The following PALLD variants were observed in gnomAD, a reference collection of about 807,000 sequenced individuals.
PALLD encodes the protein palladin.
PALLD carries 61 observed loss-of-function variants against 123.5 expected under a neutral mutation model. The observed-to-expected ratio is 0.49, with a 90% CI of 0.40 to 0.61. The LOEUF is 0.61. PALLD is among the 20% of genes least tolerant of loss of function. PALLD has a pLI of 0.00. For synonymous variants in PALLD, 465 were observed against 496.4 expected, an observed-to-expected ratio of 0.94 and a Z score of 0.84; for missense variants, 1,273 against 1,377.0, an observed-to-expected ratio of 0.92 and a Z score of 1.20.
intron 10 of PALLD, chr4:168,829,118 A>G (rs980407290): frequency 1.3e-5 from 2 of 152,262 alleles, no homozygotes; most frequent in African/African-American, 4.8e-5. Flanking sequence ...GTGATGGCCA[A>G]GATGTATCCA....
At chr4:168,712,425 G>T (rs1359054332) in intron 10 of PALLD, among the ~76,000 whole-genome samples, 1 of 152,188 alleles carries the variant, frequency 6.6e-6, no homozygotes, top group Admixed American at 6.5e-5. Flanking sequence ...AAGCAGGCTT[G>T]TGGGCAAGAA....
chr4:168,722,218 T>A (rs1360190512), intron 10 of PALLD, among the ~76,000 whole-genome samples: 2 of 152,138 alleles, frequency 1.3e-5, no homozygotes, highest in African/African-American at 2.4e-5. Context: ...CTATTTTTTT[T>A]ATTTTTTGTA....
chr4:168,668,442 A>G, intron 3 of PALLD, 74 bp downstream of exon 3: 1 of 1,249,382 alleles, frequency 8.0e-7, no homozygotes, highest in Non-Finnish European at 1.1e-6. Flanking sequence ...TTGGGCATGC[A>G]AATGTGCCTT....
At chr4:168,522,664 T>C (rs150329256) in intron 2 of PALLD, among the ~76,000 whole-genome samples, 1 of 152,358 alleles carries the variant, frequency 6.6e-6, no homozygotes, top group East Asian at 1.9e-4. Context: ...AATGTAACTG[T>C]AGCAAATACA....
chr4:168,641,373 T>G (rs1342737432), intron 2 of PALLD, among the ~76,000 whole-genome samples: 1 of 152,124 alleles, frequency 6.6e-6, no homozygotes, highest in Non-Finnish European at 1.5e-5. Context: ...AACTATGCTG[T>G]CTAGGCCAGA....
rs750033888 is a variant in PALLD at position 168,921,658 on chromosome 4, C to T, written c.2975C>T (p.Thr992Met). ...GVHSLIIEPV[T>M]SRDAGIYTCI... Reference sequence around the variant, plus strand: ...CACTCTCTGATCATAGAGCCAGTCACGTCACGTGATGCCGGCATCTACACA... The same window carrying T: ...CACTCTCTGATCATAGAGCCAGTCATGTCACGTGATGCCGGCATCTACACA... Residue 992 changes from threonine (T) to methionine (M), a missense_variant, in exon 18 of 22, where the codon ACG becomes ATG. Thr to Met is a moderately conservative substitution (Grantham distance 81, BLOSUM62 -1). This residue lies in a region of PALLD where 329 missense variants were observed against 422.5 expected (regional missense o/e 0.78). Transcript: ENST00000505667. 4.8e-5 allele frequency: 78 copies of T among 1,610,248 alleles called. 1 individual carries two copies. Among genetic ancestry groups the T allele is most frequent in the East Asian group, 4.5e-5 (2 of 44,734 alleles).
intron 2 of PALLD, among the ~76,000 whole-genome samples, chr4:168,535,311 G>A (rs924976408): frequency 6.6e-6 from 1 of 152,138 alleles, no homozygotes; most frequent in Non-Finnish European, 1.5e-5. Flanking sequence ...GAATTAAGTG[G>A]CTTAAATGGG....
chr4:168,603,872 A>C (rs1772916003), intron 2 of PALLD, among the ~76,000 whole-genome samples: 1 of 152,216 alleles, frequency 6.6e-6, no homozygotes, highest in African/African-American at 2.4e-5. Flanking sequence ...AAAATTGCAG[A>C]CATCTCAGTG....
At chr4:168,804,337 A>G (rs1463410580) in intron 10 of PALLD, among the ~76,000 whole-genome samples, 1 of 152,250 alleles carries the variant, frequency 6.6e-6, no homozygotes, top group Admixed American at 6.5e-5. Context: ...TTTTTCACCT[A>G]CGTGGTGAGA....
At chr4:168,867,578 C>T (rs929591448) in intron 10 of PALLD, among the ~76,000 whole-genome samples, 7 of 152,178 alleles carry the variant, frequency 4.6e-5, no homozygotes, top group African/African-American at 1.7e-4. Flanking sequence ...CCACCTCATT[C>T]TAGTCTTACT....
At chr4:168,837,400 C>T (rs930338682) in intron 10 of PALLD, among the ~76,000 whole-genome samples, 1 of 152,206 alleles carries the variant, frequency 6.6e-6, no homozygotes, top group Non-Finnish European at 1.5e-5. Flanking sequence ...TTTAAATAGT[C>T]TTCAGTAGTA....
intron 10 of PALLD, among the ~76,000 whole-genome samples, chr4:168,791,171 C>G (rs184523774): frequency 5.3e-5 from 8 of 152,330 alleles, no homozygotes; most frequent in African/African-American, 1.7e-4. Flanking sequence ...GTACCTTTCT[C>G]TCCTCTGCAC....
At position 168,832,256 on chromosome 4, in the gene PALLD, G is replaced by C. The variant is rs1389136134; in HGVS notation, c.1965-58666G>C. 3.3e-6 allele frequency: 3 copies of C among 908,248 alleles called. No individual in the cohort carries two copies. In the South Asian group the frequency reaches 1.5e-4, roughly 46 times the overall value. The allele number at this position is 908,248 out of a possible 1,614,324, so 56.3% of individuals were successfully genotyped here. The stretch of plus-strand genomic sequence containing the variant: ...CAGCGTGCAGGGTGGGCCGCGAGTC[G>C]GGAGTGCAGGGCTCGGGACAGGGTG... On this transcript the variant is annotated intron_variant, in intron 10 of 21. Transcript: ENST00000505667.
intron 3 of PALLD, among the ~76,000 whole-genome samples, chr4:168,679,109 T>G (rs111064539): frequency 0.2 from 20,400 of 101,626 alleles, 3,057 homozygotes; most frequent in African/African-American, 0.47. Flanking sequence ...TTATGGTGGG[T>G]GTGTGTGTGT....
chr4:168,588,553 A>C (rs55873622), intron 2 of PALLD, among the ~76,000 whole-genome samples: 15,110 of 151,880 alleles, frequency 0.099, 815 homozygotes, highest in Admixed American at 0.13. Context: ...AGGTGCCTGC[A>C]GCCACACCCG....
At chr4:168,858,883 C>T (rs1749014724) in intron 10 of PALLD, among the ~76,000 whole-genome samples, 1 of 152,136 alleles carries the variant, frequency 6.6e-6, no homozygotes, top group African/African-American at 2.4e-5. Context: ...GAGTCCCGTT[C>T]TGCCCATTGT....
chr4:168,497,845 T>C (rs187077175), intron 1 of PALLD, among the ~76,000 whole-genome samples: 43 of 152,376 alleles, frequency 2.8e-4, no homozygotes, highest in African/African-American at 9.6e-4. Context: ...ATTTTTATCA[T>C]GTTGTTTTAA....
intron 1 of PALLD, among the ~76,000 whole-genome samples, chr4:168,501,404 A>C (rs570830063): frequency 4.5e-4 from 69 of 152,264 alleles, no homozygotes; most frequent in Non-Finnish European, 8.7e-4. Context: ...GCAAAATTGA[A>C]AAGAAAGGAA....
chr4:168,816,041 T>C (rs1741863822), intron 10 of PALLD, among the ~76,000 whole-genome samples: 1 of 152,222 alleles, frequency 6.6e-6, no homozygotes, highest in Non-Finnish European at 1.5e-5. Context: ...TGTGTTTATT[T>C]GACATAATGA....
Sources: gnomAD v4.1 joint callset for allele counts (sites outside exome capture counted in the v4.1 genomes callset) on GRCh38, gnomAD v4.1.1 for gene constraint, gnomAD v4.1.1 regional missense constraint, MANE v1.5 for transcripts, NCBI Gene and HGNC (gene_info 2026-07-23, HGNC 2026-07-21) for gene names.